Variants in NOL10 observed in about 807,000 individuals in gnomAD.
The protein encoded by NOL10 is nucleolar protein 10.
Under a neutral mutation model 103.5 loss-of-function variants are expected in NOL10, and 58 were observed. The ratio of observed to expected loss-of-function variants is 0.56; its 90% CI spans 0.45 to 0.70. NOL10 has a LOEUF of 0.70. Among genes scored for constraint, NOL10 ranks in the 30% least tolerant of loss-of-function variants. The pLI is 0.00. For synonymous variants in NOL10, 287 were observed against 282.5 expected, an observed-to-expected ratio of 1.02 and a Z score of -0.16; for missense variants, 763 against 807.3, an observed-to-expected ratio of 0.95 and a Z score of 0.67.
intron 12 of NOL10, among the ~76,000 whole-genome samples, chr2:10,651,463 G>T (rs10207845): frequency 0.77 from 117,283 of 152,048 alleles, 46,526 homozygotes; most frequent in Middle Eastern, 0.94. Context: ...TAATCCAACA[G>T]GTCTAAAATA....
intron 1 of NOL10, among the ~76,000 whole-genome samples, chr2:10,687,680 C>T (rs1450266577): frequency 1.3e-5 from 2 of 152,234 alleles, no homozygotes; most frequent in East Asian, 3.9e-4. Context: ...AACCTTGGGC[C>T]GGGTGCAGTG....
At chr2:10,608,866 C>T (rs1175861578) in intron 13 of NOL10, among the ~76,000 whole-genome samples, 1 of 152,112 alleles carries the variant, frequency 6.6e-6, no homozygotes, top group Non-Finnish European at 1.5e-5. Flanking sequence ...ATATAGTCTT[C>T]CACAGAAACT....
intron 1 of NOL10, among the ~76,000 whole-genome samples, chr2:10,684,896 G>A (rs535061757): frequency 3.9e-5 from 6 of 152,256 alleles, no homozygotes; most frequent in East Asian, 1.9e-4. Flanking sequence ...ATGATGCGAT[G>A]TGACTGTAGC....
chr2:10,625,248 G>C (rs1385440927), intron 13 of NOL10, among the ~76,000 whole-genome samples: 1 of 152,138 alleles, frequency 6.6e-6, no homozygotes, highest in Non-Finnish European at 1.5e-5. Flanking sequence ...ACCACCAAGA[G>C]TGGACTCTAA....
chr2:10,685,502 CCCCCCGCCA>C (rs1369863636), intron 1 of NOL10, among the ~76,000 whole-genome samples: 32 of 14,190 alleles, frequency 2.3e-3, no homozygotes, highest in African/African-American at 5.4e-3. Context: ...CCCCCCCCCC[CCCCCCGCCA>C]AAAAAAAAGA....
At chr2:10,588,480 T>C (rs899891255) in intron 19 of NOL10, among the ~76,000 whole-genome samples, 4 of 152,218 alleles carry the variant, frequency 2.6e-5, no homozygotes, top group African/African-American at 9.6e-5. Flanking sequence ...GACTTAAAAT[T>C]TCTGGCAAAT....
chr2:10,609,698 T>C (rs2148198190), intron 13 of NOL10, among the ~76,000 whole-genome samples: 1 of 152,318 alleles, frequency 6.6e-6, no homozygotes, highest in Admixed American at 6.5e-5. Flanking sequence ...CCCTTGTAAC[T>C]ACAGGGGTAT....
chr2:10,581,459 C>T (rs1674750221), intron 19 of NOL10, among the ~76,000 whole-genome samples: 1 of 152,118 alleles, frequency 6.6e-6, no homozygotes, highest in Admixed American at 6.5e-5. Flanking sequence ...ATTTATGCAG[C>T]CAGAAGGTAA....
intron 6 of NOL10, 145 bp downstream of exon 6, chr2:10,671,409 C>CTTTTT (rs5829273): frequency 4.4e-6 from 2 of 458,800 alleles, no homozygotes; most frequent in African/African-American, 4.9e-5. Flanking sequence ...GTTTTCTTTT[C>CTTTTT]TTTTTTTTTT....
intron 13 of NOL10, among the ~76,000 whole-genome samples, chr2:10,625,281 G>A (rs575231142): frequency 6.6e-6 from 1 of 152,250 alleles, no homozygotes; most frequent in South Asian, 2.1e-4. Context: ...ACTTCAGGTG[G>A]TGATGTGTCA....
chr2:10,587,264 TA>T (rs1306668628), intron 19 of NOL10, among the ~76,000 whole-genome samples: 2 of 37,378 alleles, frequency 5.4e-5, no homozygotes, highest in African/African-American at 2.2e-4. Flanking sequence ...TATACACATA[TA>T]TATATATATA....
chr2:10,664,249 T>A (rs1265830192), intron 8 of NOL10, among the ~76,000 whole-genome samples: 1 of 151,612 alleles, frequency 6.6e-6, no homozygotes, highest in Non-Finnish European at 1.5e-5. Context: ...TGGCCAATGG[T>A]GAAACCCCGT....
intron 20 of NOL10, among the ~76,000 whole-genome samples, chr2:10,573,655 CAA>C (rs561312921): frequency 3.6e-4 from 45 of 124,744 alleles, no homozygotes; most frequent in East Asian, 6.8e-4. Flanking sequence ...TTTGTAATGT[CAA>C]AAAAAAAAAA....
chr2:10,596,177 A>G (rs1675678857), intron 17 of NOL10, among the ~76,000 whole-genome samples: 1 of 145,240 alleles, frequency 6.9e-6, no homozygotes, highest in Admixed American at 7.2e-5. Context: ...CACAGAATAC[A>G]CATAGCCTAG....
intron 13 of NOL10, among the ~76,000 whole-genome samples, chr2:10,616,217 A>ATTTTTTT (rs533351651): frequency 1.0e-5 from 1 of 95,602 alleles, no homozygotes; most frequent in Non-Finnish European, 1.9e-5. Flanking sequence ...ACCACCCTGC[A>ATTTTTTT]TTTTTTTTTT....
At chr2:10,629,096 T>G (rs1677670320) in intron 13 of NOL10, among the ~76,000 whole-genome samples, 3 of 150,202 alleles carry the variant, frequency 2.0e-5, no homozygotes. Context: ...ACCTCTCCCC[T>G]ACATACACCT....
intron 5 of NOL10, 33 bp downstream of exon 5, chr2:10,673,487 C>A: frequency 7.0e-7 from 1 of 1,426,632 alleles, no homozygotes. Context: ...TTTCTTGGGT[C>A]TAGTCAGTAC....
chr2:10,639,814 A>G (rs975082314), intron 13 of NOL10, among the ~76,000 whole-genome samples: 1 of 152,206 alleles, frequency 6.6e-6, no homozygotes, highest in African/African-American at 2.4e-5. Context: ...AAACAAAACA[A>G]TAGAACCTGG....
chr2:10,654,374 G>T, intron 12 of NOL10, 107 bp downstream of exon 12: 1 of 752,040 alleles, frequency 1.3e-6, no homozygotes, highest in Non-Finnish European at 2.1e-6. Context: ...AAATAAAATG[G>T]GTTTAAAACC....
Sources: gnomAD v4.1 joint callset for allele counts (sites outside exome capture counted in the v4.1 genomes callset) on GRCh38, gnomAD v4.1.1 for gene constraint, MANE v1.5 for transcripts, NCBI Gene and HGNC (gene_info 2026-07-23, HGNC 2026-07-21) for gene names.